The following CYGB variants were observed in gnomAD, a reference collection of about 807,000 sequenced individuals.
The protein encoded by CYGB is cytoglobin.
In CYGB, 13 loss-of-function variants were observed where a neutral mutation model predicts 20.7. The observed-to-expected ratio is 0.63, with a 90% confidence interval of 0.41 to 1.00. CYGB has a LOEUF of 1.00. Among genes scored for constraint, CYGB ranks in the 50% least tolerant of loss-of-function variants. CYGB has a pLI of 0.00. For synonymous variants in CYGB, 93 were observed against 107.4 expected (o/e 0.87, Z 0.83); for missense variants, 218 against 257.2 (o/e 0.85, Z 1.04).
intron 1 of CYGB, chr17:76,543,162 C>CT (rs2075012434): frequency 2.2e-6 from 1 of 463,444 alleles, no homozygotes; most frequent in Non-Finnish European, 4.5e-6. Context: ...CCAGTCTCCC[C>CT]TTCCCCCAGG....
rs1390140407 is a variant in CYGB, at chr17:76,528,328, G to A, written c.*250C>T. On this transcript the variant is annotated 3_prime_UTR_variant, in exon 4 of 4. Transcript: ENST00000293230. The surrounding 1 kb of genome is among the most constrained non-coding windows in gnomAD (Gnocchi z 5.8). ...CGCTCAGCTAGGTCTCTCTCTAACA[G>A]TGAGTAGAAAAGCTAAGAAGAGTGG... The A allele has an allele frequency of 2.2e-5, 9 of 403,450 alleles. No homozygotes were observed. The highest frequency in any genetic ancestry group is 3.5e-5 in the Non-Finnish European group (8 of 229,250). The allele number at this position is 403,450 out of a possible 1,614,324, so 25.0% of individuals were successfully genotyped here.
chr17:76,529,485 T>A (rs1324940274), intron 3 of CYGB: 3 of 985,314 alleles, frequency 3.0e-6, no homozygotes, highest in Non-Finnish European at 3.6e-6. Context: ...CTGGGGAACT[T>A]GGGCCATGTG....
At chr17:76,534,146 TTCTCTCTCTCTCTCTCTC>T (rs71158013) in intron 1 of CYGB, among the ~76,000 whole-genome samples, 1 of 128,902 alleles carries the variant, frequency 7.8e-6, no homozygotes, top group Non-Finnish European at 1.7e-5. Context: ...CTCTTTCTCT[TTCTCTCTCTCTCTCTCTC>T]TCTCTCTCTC....
intron 1 of CYGB, among the ~76,000 whole-genome samples, chr17:76,547,700 G>GAC (rs140351477): frequency 7.4e-4 from 100 of 136,024 alleles, no homozygotes; most frequent in African/African-American, 2.4e-3. Flanking sequence ...CACACACACA[G>GAC]ACACACACAC....
chr17:76,531,852 C>T lies in CYGB; in HGVS notation c.144-161G>A. ...TCAGTAGACCTCAGCATAGACCCTC[C>T]TCCCTCTGGCCAAGCCGGCTCACCC... On this transcript the variant is annotated intron_variant, in intron 1 of 3. Coordinates refer to ENST00000293230, the MANE Select transcript of CYGB (RefSeq NM_134268.5). This position sits in a 1 kb window ranked among gnomAD's most constrained non-coding sequence, Gnocchi z 7.4. The T allele has an allele frequency of 1.6e-6, 1 of 612,448 alleles. No individual in the cohort carries two copies. Among genetic ancestry groups the T allele is most frequent in the South Asian group, 2.1e-5 (1 of 46,832 alleles). 37.9% of individuals were successfully genotyped at this position (612,448 alleles called of 1,614,324 possible). A position where few individuals can be genotyped will look rare whatever the true frequency, so the allele number is the denominator to read the frequency against.
intron 1 of CYGB, chr17:76,543,730 C>T: frequency 2.1e-6 from 1 of 468,420 alleles, no homozygotes; most frequent in Admixed American, 2.3e-5. Flanking sequence ...GTTAAGCCGC[C>T]ACTTGTGGTC....
intron 1 of CYGB, among the ~76,000 whole-genome samples, chr17:76,534,231 C>A (rs1243229641): frequency 6.7e-6 from 1 of 150,220 alleles, no homozygotes; most frequent in Non-Finnish European, 1.5e-5. Flanking sequence ...GGCTGCAGTG[C>A]ACTGGTGCAA....
Position 76,528,542 on chromosome 17 carries a change from G to T in CYGB, c.*36C>A. On this transcript the variant is annotated 3_prime_UTR_variant, in exon 4 of 4. Transcript: ENST00000293230. The surrounding 1 kb of genome is among the most constrained non-coding windows in gnomAD (Gnocchi z 5.8). ...GTCTTCAGAACTCGGCCTTCTGCTC[G>T]AGGTGCTGCCAGGGAGGGGGGTGGA... 7.8e-7 allele frequency: 1 copy of T among 1,287,834 alleles called. No individual in the cohort carries two copies. 79.8% of individuals were successfully genotyped at this position (1,287,834 alleles called of 1,614,324 possible). A position where few individuals can be genotyped will look rare whatever the true frequency, so the allele number is the denominator to read the frequency against.
rs1394351449 is a variant in CYGB, at chr17:76,527,643, T to G, written c.*935A>C. 1 of 453,680 alleles carries G rather than the reference T, an allele frequency of 2.2e-6. No individual in the cohort carries two copies. The highest frequency in any genetic ancestry group is 2.0e-5 in the African/African-American group (1 of 49,920). 28.1% of individuals were successfully genotyped at this position (453,680 alleles called of 1,614,324 possible). On this transcript the variant is annotated 3_prime_UTR_variant, in exon 4 of 4. Coordinates refer to ENST00000293230, the MANE Select transcript of CYGB (RefSeq NM_134268.5). ...GTGGGGTGGGGAAAGCCCTCGGCCC[T>G]CGGAGCTGAGGGTGAGACCCAGGCA... is the stretch of plus-strand genomic sequence containing the variant.
At chr17:76,534,853 C>T (rs527324158) in intron 1 of CYGB, among the ~76,000 whole-genome samples, 3 of 152,362 alleles carry the variant, frequency 2.0e-5, no homozygotes, top group South Asian at 2.1e-4. Flanking sequence ...AGACCCTCCA[C>T]GGTTCTGTGG....
chr17:76,547,044 C>T (rs2075059620), intron 1 of CYGB: 3 of 152,250 alleles, frequency 2.0e-5, no homozygotes, highest in Admixed American at 6.5e-5. Flanking sequence ...TGTGGTCCCG[C>T]CCAGCCTGCC....
In CYGB at chr17:76,531,706, A is replaced by T. The variant is rs751166799; in HGVS notation, c.144-15T>A. The T allele has an allele frequency of 1.3e-6, 2 of 1,573,678 alleles. No homozygotes were observed. The highest frequency in any genetic ancestry group is 2.3e-5 in the South Asian group (2 of 87,382). ...TCACAAAGAACCTGGCAAGAGGAAC[A>T]GGGGTGGTCGCTGAAGCTGGAGGCT... On this transcript the variant is annotated splice_polypyrimidine_tract_variant and intron_variant, in intron 1 of 3. Transcript: ENST00000293230. This position sits in a 1 kb window ranked among gnomAD's most constrained non-coding sequence, Gnocchi z 7.4.
chr17:76,529,383 G>A (rs956647699), intron 3 of CYGB: 5 of 985,402 alleles, frequency 5.1e-6, no homozygotes, highest in Middle Eastern at 5.2e-4. Context: ...AGAAGTGGGC[G>A]GAGGAGGAGA....
chr17:76,540,010 C>T (rs1161614431), upstream of CYGB: 13 of 932,264 alleles, frequency 1.4e-5, no homozygotes, highest in East Asian at 2.4e-4. The surrounding 1 kb of genome is among the most constrained non-coding windows in gnomAD (Gnocchi z 5.0). Context: ...TCAGCTTGAG[C>T]CTCCTAATCC....
Position 76,529,907 on chromosome 17 carries a change from G to A in CYGB, c.539+1072C>T, listed in dbSNP as rs537809198. ...TCCACTCTCTTGGGGTGGTGCTGAC[G>A]GGAGAGGGGGGAGGGGAGCAGGAGC... On this transcript the variant is annotated intron_variant, in intron 3 of 3. Transcript: ENST00000293230. The A allele has an allele frequency of 4.7e-4, 463 of 985,290 alleles. 1 individual carries two copies. In the South Asian group the frequency reaches 1.0e-2, roughly 21 times the overall value. The allele number at this position is 985,290 out of a possible 1,614,324, so 61.0% of individuals were successfully genotyped here.
Position 76,546,262 on chromosome 17 carries a change from C to G in CYGB, c.-53+4600G>C, listed in dbSNP as rs1344863644. 2.0e-5 allele frequency: 3 copies of G among 152,150 alleles called. No homozygotes were observed. The highest frequency in any genetic ancestry group is 4.8e-5 in the African/African-American group (2 of 41,400). 9.4% of individuals were successfully genotyped at this position (152,150 alleles called of 1,614,324 possible). A position where few individuals can be genotyped will look rare whatever the true frequency, so the allele number is the denominator to read the frequency against. On this transcript the variant is annotated intron_variant, in intron 1 of 3. Transcript: ENST00000589145. The surrounding 1 kb of genome is among the most constrained non-coding windows in gnomAD (Gnocchi z 4.5). Reference sequence around the variant, plus strand: ...GGAGGTGCTGCTCCTGCAACTGAGGCTCAGAGCGGCTGCCAGTCTCTCCTG... The same window carrying G: ...GGAGGTGCTGCTCCTGCAACTGAGGGTCAGAGCGGCTGCCAGTCTCTCCTG...
In CYGB at chr17:76,544,557, G is replaced by A. The variant is rs750306157; in HGVS notation, c.-53+6305C>T. 20 of 456,578 alleles carry A rather than the reference G, an allele frequency of 4.4e-5. 1 individual carries two copies. Among genetic ancestry groups the A allele is most frequent in the South Asian group, 1.9e-4 (12 of 64,576 alleles). 28.3% of individuals were successfully genotyped at this position (456,578 alleles called of 1,614,324 possible). On this transcript the variant is annotated intron_variant, in intron 1 of 3. Coordinates refer to the CYGB transcript ENST00000589145. Reference sequence around the variant, plus strand: ...GCAGGGGGAAAGTCACACTAGGGAAGGAGCCTGCAGAGGCAAAGCCAGAGC... The same window carrying A: ...GCAGGGGGAAAGTCACACTAGGGAAAGAGCCTGCAGAGGCAAAGCCAGAGC...
In CYGB at chr17:76,531,186, T is replaced by C. The variant is rs752623677; in HGVS notation, c.376-44A>G. The C allele has an allele frequency of 6.3e-7, 1 of 1,584,464 alleles. No homozygotes were observed. The highest frequency in any genetic ancestry group is 2.3e-5 in the East Asian group (1 of 44,420). The stretch of plus-strand genomic sequence containing the variant: ...AGGGGGAGTGAACGCCCGGGCGCCC[T>C]GCGTCCTGCAACCCCCAGGCCCCTC... On this transcript the variant is annotated intron_variant, in intron 2 of 3. Transcript: ENST00000293230. The surrounding 1 kb of genome is among the most constrained non-coding windows in gnomAD (Gnocchi z 7.4).
At chr17:76,543,736 T>C (rs1042026702) in intron 1 of CYGB, 12 of 468,724 alleles carry the variant, frequency 2.6e-5, no homozygotes, top group Non-Finnish European at 4.4e-5. Flanking sequence ...CCGCCACTTG[T>C]GGTCCGAGGT....
Sources: allele counts gnomAD v4.1 joint callset (sites outside exome capture counted in the v4.1 genomes callset), GRCh38; gene constraint gnomAD v4.1.1; non-coding constraint Gnocchi (gnomAD v3.1); transcripts MANE v1.5; gene names NCBI Gene and HGNC (gene_info 2026-07-23, HGNC 2026-07-21).